The following RSBN1 variants were observed in gnomAD, a reference collection of about 807,000 sequenced individuals.
RSBN1 encodes round spermatid basic protein 1, also known as lysine-specific demethylase 9.
RSBN1 carries 23 observed loss-of-function variants against 74.8 expected under a neutral mutation model. The observed-to-expected ratio is 0.31, with a 90% CI of 0.22 to 0.44. RSBN1 has a LOEUF of 0.44. RSBN1 is among the 20% of genes least tolerant of loss of function. The pLI is 1.00. For missense variants in RSBN1, 808 were observed against 1,020.9 expected (o/e 0.79, Z 2.84); for synonymous variants, 407 against 379.6 (o/e 1.07, Z -0.84).
chr1:113,791,290 TAAAC>T (rs1558000650), intron 2 of RSBN1, among the ~76,000 whole-genome samples: 1 of 152,232 alleles, frequency 6.6e-6, no homozygotes, highest in Non-Finnish European at 1.5e-5. Flanking sequence ...TATAAAATGT[TAAAC>T]AATTATCTTT....
intron 1 of RSBN1, among the ~76,000 whole-genome samples, chr1:113,800,022 C>T (rs1660550123): frequency 1.3e-5 from 2 of 152,046 alleles, no homozygotes; most frequent in African/African-American, 4.8e-5. Flanking sequence ...ACAAGTTCAA[C>T]AAATTTTAGA....
chr1:113,774,604 G>C (rs1253341932), intron 4 of RSBN1, among the ~76,000 whole-genome samples: 1 of 152,098 alleles, frequency 6.6e-6, no homozygotes, highest in Non-Finnish European at 1.5e-5. Flanking sequence ...GTGAACCCGG[G>C]AGGAGGGGCT....
chr1:113,807,071 G>C (rs546477263), intron 1 of RSBN1, among the ~76,000 whole-genome samples: 6 of 152,114 alleles, frequency 3.9e-5, no homozygotes, highest in African/African-American at 1.4e-4. Context: ...CCAGCACTTT[G>C]GGAGACCAAG....
At position 113,812,095 on chromosome 1, in the gene RSBN1, C is replaced by A; in HGVS notation, c.318G>T (p.Glu106Asp). The change falls in exon 1 of 7, where the codon GAG (glutamate) becomes GAT (aspartate). Residue 106 changes from glutamate (E) to aspartate (D), a missense_variant. Physicochemically the swap from Glu to Asp is conservative, Grantham distance 45. Transcript: ENST00000261441. ...SQEKRGRPSQEPPLAPPHRRR... is the reference protein window; with the variant it reads ...SQEKRGRPSQDPPLAPPHRRR... The stretch of plus-strand genomic sequence containing the variant: ...GCCGGTGAGGGGGAGCGAGAGGGGG[C>A]TCCTGGCTCGGCCGCCCCCGCTTCT... 6.3e-7 allele frequency: 1 copy of A among 1,595,922 alleles called. No homozygotes were observed. The highest frequency in any genetic ancestry group is 8.5e-7 in the Non-Finnish European group (1 of 1,172,354).
intron 2 of RSBN1, among the ~76,000 whole-genome samples, chr1:113,784,363 A>G (rs925800098): frequency 1.3e-5 from 2 of 152,202 alleles, no homozygotes; most frequent in Non-Finnish European, 2.9e-5. Flanking sequence ...CACCTAGGCT[A>G]TATGACATAG....
intron 1 of RSBN1, 66 bp downstream of exon 1, chr1:113,811,644 A>T: frequency 2.6e-6 from 4 of 1,513,938 alleles, no homozygotes; most frequent in Non-Finnish European, 3.5e-6. Flanking sequence ...TTTCAGTCCT[A>T]AAGATGCGGG....
intron 4 of RSBN1, among the ~76,000 whole-genome samples, chr1:113,772,407 C>A (rs1313302673): frequency 1.3e-5 from 2 of 151,810 alleles, no homozygotes; most frequent in African/African-American, 4.8e-5. Context: ...TAAAAAAAAA[C>A]CCTGCCAAAG....
intron 1 of RSBN1, among the ~76,000 whole-genome samples, chr1:113,802,357 G>A (rs1039425027): frequency 3.3e-5 from 5 of 150,748 alleles, no homozygotes; most frequent in Non-Finnish European, 5.9e-5. Context: ...AAAAATCACA[G>A]TAGATGAACA....
chr1:113,803,743 C>CT (rs34114690), intron 1 of RSBN1, among the ~76,000 whole-genome samples: 84,915 of 151,650 alleles, frequency 0.56, 24,521 homozygotes, highest in South Asian at 0.65. Context: ...TGTCCCAGCT[C>CT]TATTGTTTAC....
intron 2 of RSBN1, among the ~76,000 whole-genome samples, chr1:113,794,135 A>C (rs1201285833): frequency 2.0e-5 from 3 of 151,946 alleles, no homozygotes; most frequent in Admixed American, 6.6e-5. Context: ...TCTGAAGACT[A>C]TCTCTCTCTC....
At chr1:113,784,691 T>C (rs1005475610) in intron 2 of RSBN1, among the ~76,000 whole-genome samples, 7 of 152,218 alleles carry the variant, frequency 4.6e-5, no homozygotes, top group East Asian at 1.9e-4. Flanking sequence ...AATGCTATTA[T>C]AGCTTGCTGC....
intron 2 of RSBN1, among the ~76,000 whole-genome samples, chr1:113,796,561 CA>C (rs1385892672): frequency 4.6e-5 from 7 of 151,916 alleles, no homozygotes; most frequent in African/African-American, 1.7e-4. Context: ...CCTGAAAAAA[CA>C]GAACATATAA....
At chr1:113,787,741 ATGTGGTAGATTTT>A (rs1413890054) in intron 2 of RSBN1, among the ~76,000 whole-genome samples, 1 of 152,184 alleles carries the variant, frequency 6.6e-6, no homozygotes, top group Non-Finnish European at 1.5e-5. Flanking sequence ...CCTGACAAAA[ATGTGGTAGATTTT>A]TAGCTGTAGA....
intron 2 of RSBN1, among the ~76,000 whole-genome samples, chr1:113,789,923 C>T (rs897545052): frequency 1.6e-4 from 24 of 152,026 alleles, no homozygotes; most frequent in Non-Finnish European, 3.5e-4. Context: ...ACAAAAATAA[C>T]CTGCAGAATG....
At chr1:113,792,374 G>A (rs1660384034) in intron 2 of RSBN1, among the ~76,000 whole-genome samples, 1 of 152,098 alleles carries the variant, frequency 6.6e-6, no homozygotes, top group Non-Finnish European at 1.5e-5. Flanking sequence ...TATGGCCTTG[G>A]TGGTCCATTT....
chr1:113,780,853 T>C (rs74758023), intron 2 of RSBN1, among the ~76,000 whole-genome samples: 100 of 152,370 alleles, frequency 6.6e-4, no homozygotes, highest in African/African-American at 2.3e-3. Context: ...GTAGCTAACT[T>C]AGCCTAGCTA....
chr1:113,807,674 T>C (rs1660734776), intron 1 of RSBN1, among the ~76,000 whole-genome samples: 1 of 151,564 alleles, frequency 6.6e-6, no homozygotes, highest in South Asian at 2.1e-4. Context: ...GGCAGGAGAA[T>C]CGCTTGAACC....
At chr1:113,793,410 G>T (rs1266157597) in intron 2 of RSBN1, among the ~76,000 whole-genome samples, 2 of 152,126 alleles carry the variant, frequency 1.3e-5, no homozygotes, top group African/African-American at 2.4e-5. Flanking sequence ...TCCTTCATAT[G>T]GATAAAATAA....
intron 2 of RSBN1, among the ~76,000 whole-genome samples, chr1:113,778,723 GAGC>G (rs1015954440): frequency 6.6e-6 from 1 of 152,122 alleles, no homozygotes; most frequent in African/African-American, 2.4e-5. Flanking sequence ...ATCTTTCAAA[GAGC>G]AGTTCAAAAG....
Sources: allele counts gnomAD v4.1 joint callset (sites outside exome capture counted in the v4.1 genomes callset), GRCh38; gene constraint gnomAD v4.1.1; transcripts MANE v1.5; gene names NCBI Gene and HGNC (gene_info 2026-07-23, HGNC 2026-07-21).